The following ROCK2 variants were observed in gnomAD, a reference collection of about 807,000 sequenced individuals.
ROCK2 encodes the protein Rho associated coiled-coil containing protein kinase 2.
Under a neutral mutation model 195.1 loss-of-function variants are expected in ROCK2, and 61 were observed. The ratio of observed to expected loss-of-function variants is 0.31; its 90% CI spans 0.25 to 0.39. ROCK2 has a LOEUF of 0.39. Among genes scored for constraint, ROCK2 ranks in the 10% least tolerant of loss-of-function variants. ROCK2 has a pLI of 1.00. For synonymous variants in ROCK2, 504 were observed against 545.5 expected, an observed-to-expected ratio of 0.92 and a Z score of 1.06; for missense variants, 1,109 against 1,637.4, an observed-to-expected ratio of 0.68 and a Z score of 5.57.
At chr2:11,281,581 G>A (rs1048120266) in intron 3 of ROCK2, among the ~76,000 whole-genome samples, 1 of 151,956 alleles carries the variant, frequency 6.6e-6, no homozygotes, top group African/African-American at 2.4e-5. Flanking sequence ...AGTGGAATTT[G>A]AAATTAAATT....
intron 3 of ROCK2, among the ~76,000 whole-genome samples, chr2:11,271,424 G>C (rs1666624263): frequency 6.6e-6 from 1 of 152,152 alleles, no homozygotes; most frequent in African/African-American, 2.4e-5. Context: ...TCCTACCTCA[G>C]CACTGGTTCT....
intron 3 of ROCK2, among the ~76,000 whole-genome samples, chr2:11,278,345 A>G (rs1666895753): frequency 1.3e-5 from 2 of 152,210 alleles, no homozygotes; most frequent in African/African-American, 4.8e-5. Context: ...ATTTCACTTA[A>G]TACAAGATCC....
Position 11,214,409 on chromosome 2 carries a change from T to C in ROCK2, c.1991A>G (p.Lys664Arg). The C allele has an allele frequency of 6.2e-7, 1 of 1,611,440 alleles. No individual in the cohort carries two copies. The highest frequency in any genetic ancestry group is 1.1e-5 in the South Asian group (1 of 90,796). ...DLKNGKILLA[K>R]VELEKRQLQE... ...AAGTTGTCTCTTCTCCAGTTCTACT[T>C]TCGCTAGTAAGATTTTGCCGTTCTT... is the stretch of plus-strand genomic sequence containing the variant. Residue 664 changes from lysine (K) to arginine (R), a missense_variant, in exon 17 of 33, where the codon AAA becomes AGA. Lys to Arg is a conservative substitution (Grantham distance 26). Transcript: ENST00000315872.
At chr2:11,248,729 AAAAAAAAAAG>A (rs1665717373) in intron 4 of ROCK2, among the ~76,000 whole-genome samples, 2 of 149,074 alleles carry the variant, frequency 1.3e-5, no homozygotes, top group African/African-American at 4.9e-5. Context: ...AAAAAAAAAA[AAAAAAAAAAG>A]AAAGAATGAA....
At chr2:11,344,939 C>T (rs1405211210), upstream of ROCK2, among the ~76,000 whole-genome samples, 1 of 59,354 alleles carries the variant, frequency 1.7e-5, no homozygotes, top group African/African-American at 3.4e-5. The surrounding 1 kb of genome is among the most constrained non-coding windows in gnomAD (Gnocchi z 5.4). Flanking sequence ...CCTGCCCCTC[C>T]CGCCGGACCC....
At chr2:11,195,221 G>A (rs1338582356) in intron 27 of ROCK2, 196 bp from the exon 28 acceptor site, 3 of 323,826 alleles carry the variant, frequency 9.3e-6, no homozygotes, top group Admixed American at 4.8e-5. Flanking sequence ...CAAAATCCAG[G>A]TTATATCATA....
chr2:11,185,407 G>A (rs72785473), intron 32 of ROCK2, among the ~76,000 whole-genome samples: 6,475 of 152,254 alleles, frequency 0.043, 279 homozygotes, highest in Non-Finnish European at 0.06. Context: ...AACCTAAACT[G>A]TAATATTGCT....
chr2:11,285,063 G>A (rs1304755249), intron 3 of ROCK2, among the ~76,000 whole-genome samples: 2 of 152,212 alleles, frequency 1.3e-5, no homozygotes, highest in East Asian at 3.9e-4. Context: ...GGGAGTTCAA[G>A]ACCAGACTGA....
chr2:11,218,973 T>C lies in ROCK2; in HGVS notation c.1313A>G (p.Lys438Arg), dbSNP rs766009922. 3.4e-5 allele frequency: 49 copies of C among 1,461,406 alleles called. No individual in the cohort carries two copies. The highest frequency in any genetic ancestry group is 4.2e-5 in the Non-Finnish European group (45 of 1,062,364). 90.5% of individuals were successfully genotyped at this position (1,461,406 alleles called of 1,614,324 possible). A position where few individuals can be genotyped will look rare whatever the true frequency, so the allele number is the denominator to read the frequency against. ...CRETDSIQSR[K>R]NEESQEIQKK... ...GTAAAAATGTATACGTACTTCATTTTTCCTTGATTGTATGGAATCAGTTTC... is the reference window on the plus strand; with the variant it reads ...GTAAAAATGTATACGTACTTCATTTCTCCTTGATTGTATGGAATCAGTTTC... The change falls in exon 10 of 33, where the codon AAA becomes AGA. Residue 438 changes from lysine to arginine, a missense_variant. Physicochemically the swap from Lys to Arg is conservative, Grantham distance 26. This residue lies in a region of ROCK2 where 542 missense variants were observed against 672.0 expected (regional missense o/e 0.81). Transcript: ENST00000315872.
At chr2:11,234,511 C>T (rs1376551199) in intron 5 of ROCK2, 1 of 152,064 alleles carries the variant, frequency 6.6e-6, no homozygotes, top group African/African-American at 2.4e-5. Context: ...CTATATTATA[C>T]CAAATACCAC....
intron 1 of ROCK2, among the ~76,000 whole-genome samples, chr2:11,339,382 GA>G (rs1669033436): frequency 6.6e-6 from 1 of 151,886 alleles, no homozygotes. Flanking sequence ...ACATCATGGG[GA>G]AAATTTTCAA....
chr2:11,221,520 G>C (rs1664637182), intron 8 of ROCK2, among the ~76,000 whole-genome samples, 163 bp from the exon 9 acceptor site: 1 of 152,042 alleles, frequency 6.6e-6, no homozygotes, highest in African/African-American at 2.4e-5. Flanking sequence ...GTAATTTATT[G>C]CTATATTAGA....
At chr2:11,204,849 C>T (rs1352726330) in intron 20 of ROCK2, among the ~76,000 whole-genome samples, 1 of 152,162 alleles carries the variant, frequency 6.6e-6, no homozygotes, top group African/African-American at 2.4e-5. Flanking sequence ...GAACTTTTAG[C>T]AGTTCTCTTC....
chr2:11,331,273 C>G (rs1668758666), intron 1 of ROCK2, among the ~76,000 whole-genome samples: 1 of 152,128 alleles, frequency 6.6e-6, no homozygotes, highest in Non-Finnish European at 1.5e-5. Flanking sequence ...CACTGATACA[C>G]CTGTGAACAA....
chr2:11,264,518 G>A (rs917816965), intron 3 of ROCK2, among the ~76,000 whole-genome samples: 1 of 152,154 alleles, frequency 6.6e-6, no homozygotes, highest in Non-Finnish European at 1.5e-5. Flanking sequence ...AAGTTAGAGA[G>A]GGAATCAAAC....
chr2:11,309,397 G>A (rs923828443), intron 1 of ROCK2, among the ~76,000 whole-genome samples: 2 of 152,108 alleles, frequency 1.3e-5, no homozygotes, highest in East Asian at 1.9e-4. Flanking sequence ...ATATGTACGC[G>A]TGTGTGCATA....
chr2:11,317,604 A>ATTTTTTT (rs1455941424), intron 1 of ROCK2, among the ~76,000 whole-genome samples: 1 of 16,192 alleles, frequency 6.2e-5, no homozygotes. Context: ...ATATATATAT[A>ATTTTTTT]TATATATATT....
chr2:11,195,933 C>T (rs576550122), intron 27 of ROCK2, among the ~76,000 whole-genome samples: 1 of 152,192 alleles, frequency 6.6e-6, no homozygotes, highest in Admixed American at 6.5e-5. Flanking sequence ...GTGTATGAAT[C>T]CTCGGAATTT....
chr2:11,193,965 G>C, intron 29 of ROCK2, 108 bp from the exon 30 acceptor site: 1 of 503,192 alleles, frequency 2.0e-6, no homozygotes, highest in Non-Finnish European at 3.4e-6. Context: ...TTTGACCCAT[G>C]TTAGGAACTC....
Sources: gnomAD v4.1 joint callset for allele counts (sites outside exome capture counted in the v4.1 genomes callset) on GRCh38, gnomAD v4.1.1 for gene constraint, gnomAD v4.1.1 regional missense constraint, Gnocchi (gnomAD v3.1) non-coding constraint, MANE v1.5 for transcripts, NCBI Gene and HGNC (gene_info 2026-07-23, HGNC 2026-07-21) for gene names.